The following MBD5 variants were observed in gnomAD, a reference collection of about 807,000 sequenced individuals.
MBD5 encodes methyl-CpG binding domain protein 5.
Under a neutral mutation model 117.3 loss-of-function variants are expected in MBD5, and 13 were observed. That is an observed-to-expected ratio of 0.11 (90% confidence interval 0.07 to 0.18). The LOEUF (loss-of-function observed/expected upper bound fraction) is 0.18, where lower values mean the gene tolerates loss of function less well. Ranked by LOEUF, MBD5 falls within the 10% of genes least tolerant of loss-of-function variation. The pLI is 1.00. For synonymous variants in MBD5, 727 were observed against 766.4 expected (o/e 0.95, Z 0.85); for missense variants, 1,879 against 2,093.8 (o/e 0.90, Z 2.00).
chr2:148,064,077 A>G lies in MBD5; in HGVS notation c.-925+42393A>G, dbSNP rs73964197. On this transcript the variant is annotated intron_variant, in intron 1 of 13. Transcript: ENST00000642680. ...AGTCTTTATGCTCTTGCTCTTTCAT[A>G]TATAGGGTGAATCTAAAGGAAACAT... Among the ~76,000 whole-genome samples the G allele has an allele frequency of 6.9e-4, 103 of 149,858 alleles. 1 individual carries two copies. Among genetic ancestry groups the G allele is most frequent in the African/African-American group, 2.5e-3 (100 of 40,766 alleles).
chr2:148,363,009 G>A (rs1703586226), intron 4 of MBD5, among the ~76,000 whole-genome samples: 1 of 152,194 alleles, frequency 6.6e-6, no homozygotes, highest in African/African-American at 2.4e-5. Context: ...ACCAAAGGTA[G>A]ATAAATCAAT....
rs576315554 is a variant in MBD5 at position 148,058,795 on chromosome 2, A to G, written c.-925+37111A>G. On this transcript the variant is annotated intron_variant, in intron 1 of 13. Coordinates refer to ENST00000642680, the MANE Select transcript of MBD5 (RefSeq NM_001378120.1). ...TTTGCTTCAAAAATGTCTGTTAAGC[A>G]AAAAGTATGCTTGAATTACTAATTT... is the stretch of plus-strand genomic sequence containing the variant. 2.6e-5 allele frequency among the ~76,000 whole-genome samples: 4 copies of G among 152,282 alleles called. No individual in the cohort carries two copies. In the East Asian group the frequency reaches 7.7e-4, roughly 29 times the overall value.
chr2:148,332,510 C>T (rs1362439628), intron 3 of MBD5, among the ~76,000 whole-genome samples: 1 of 152,094 alleles, frequency 6.6e-6, no homozygotes, highest in South Asian at 2.1e-4. Flanking sequence ...TTGAGTTGGT[C>T]TTGCCTGTCT....
intron 1 of MBD5, among the ~76,000 whole-genome samples, chr2:148,052,024 C>CT (rs1558904151): frequency 1.3e-4 from 19 of 151,708 alleles, no homozygotes; most frequent in Non-Finnish European, 2.4e-4. Flanking sequence ...TGTTATCATT[C>CT]CTAATTTTAC....
chr2:148,033,301 A>G (rs72855272), intron 1 of MBD5, among the ~76,000 whole-genome samples: 292 of 152,342 alleles, frequency 1.9e-3, no homozygotes, highest in Non-Finnish European at 3.3e-3. Flanking sequence ...GAGTGATTTC[A>G]TACAGTTAGA....
intron 4 of MBD5, among the ~76,000 whole-genome samples, chr2:148,454,943 G>A (rs1263592263): frequency 6.6e-6 from 1 of 152,094 alleles, no homozygotes; most frequent in Non-Finnish European, 1.5e-5. Context: ...ATTGCTTAGG[G>A]TAGCATTGTC....
At chr2:148,350,363 T>C (rs1427070616) in intron 4 of MBD5, among the ~76,000 whole-genome samples, 1 of 152,048 alleles carries the variant, frequency 6.6e-6, no homozygotes, top group Non-Finnish European at 1.5e-5. Flanking sequence ...GTCAATGTGT[T>C]CTGAGTGCTG....
chr2:148,439,737 CT>C (rs761911302), intron 4 of MBD5, among the ~76,000 whole-genome samples: 2,836 of 130,638 alleles, frequency 0.022, 88 homozygotes, highest in African/African-American at 0.071. Context: ...CATTCTCTCT[CT>C]TTTTTTTTTT....
intron 3 of MBD5, among the ~76,000 whole-genome samples, chr2:148,267,364 A>G (rs961207): frequency 0.6 from 91,422 of 151,956 alleles, 27,704 homozygotes; most frequent in East Asian, 0.71. Context: ...ACAATTTAGC[A>G]TCAGCCCAAA....
Position 148,440,788 on chromosome 2 carries a change from C to T in MBD5, c.-556-17415C>T, listed in dbSNP as rs139830521. On this transcript the variant is annotated intron_variant, in intron 4 of 13. Transcript: ENST00000642680. Reference sequence around the variant, plus strand: ...ACATGTAGGATGAAAGAGGAATAAACAGGTAACTCTAGGCAGGATAACAAA... The same window carrying T: ...ACATGTAGGATGAAAGAGGAATAAATAGGTAACTCTAGGCAGGATAACAAA... Among the ~76,000 whole-genome samples the T allele has an allele frequency of 1.3e-3, 201 of 152,318 alleles. 3 individuals are homozygous for T. The East Asian group carries it at 0.035, about 27-fold the overall frequency.
chr2:148,349,143 T>G (rs1217797461), intron 4 of MBD5, among the ~76,000 whole-genome samples: 2 of 151,866 alleles, frequency 1.3e-5, no homozygotes, highest in Non-Finnish European at 2.9e-5. Flanking sequence ...AAAAAAAAGG[T>G]CTCAGTAGTT....
chr2:148,470,263 C>A lies in MBD5; in HGVS notation c.2320C>A (p.Pro774Thr). ...ANTNFVHSNS[P>T]VPNHHLAGLI... ...CACTAACTTTGTTCACAGTAACAGT[C>A]CAGTCCCCAACCACCATCTTGCAGG... The change falls in exon 8 of 14, where the codon CCA becomes ACA. Residue 774 changes from proline (P) to threonine (T), a missense_variant. Around this residue, in one of 4 missense-constraint regions of MBD5, gnomAD observed 1,666 missense variants for 1,792.2 expected, o/e 0.93. Coordinates refer to ENST00000642680, the MANE Select transcript of MBD5 (RefSeq NM_001378120.1). 1 of 1,613,976 alleles carries A rather than the reference C, an allele frequency of 6.2e-7. No individual in the cohort carries two copies. Among genetic ancestry groups the A allele is most frequent in the Non-Finnish European group, 8.5e-7 (1 of 1,179,904 alleles).
chr2:148,185,331 A>T (rs1051588270), intron 2 of MBD5, among the ~76,000 whole-genome samples: 4 of 151,782 alleles, frequency 2.6e-5, no homozygotes, highest in Non-Finnish European at 1.5e-5. Flanking sequence ...TATATTTCCT[A>T]TAGGAGTTGG....
chr2:148,483,748 C>A lies in MBD5; in HGVS notation c.3157C>A (p.Pro1053Thr). ...CCGAGCTGAGACCCTTTTAACCAGC[C>A]CCCTGGGGAACCCTTTACCAAGCTT... ...NSRAETLLTSPLGNPLPSFAG... is the reference protein window; with the variant it reads ...NSRAETLLTSTLGNPLPSFAG... The change falls in exon 9 of 14, where the codon CCC becomes ACC. Residue 1053 changes from proline to threonine, a missense_variant. Physicochemically the swap from Pro to Thr is conservative, Grantham distance 38. Around this residue, in one of 4 missense-constraint regions of MBD5, gnomAD observed 1,666 missense variants for 1,792.2 expected, o/e 0.93. Coordinates refer to ENST00000642680, the MANE Select transcript of MBD5 (RefSeq NM_001378120.1). 6.4e-7 allele frequency: 1 copy of A among 1,550,564 alleles called. No homozygotes were observed. Among genetic ancestry groups the A allele is most frequent in the Non-Finnish European group, 8.7e-7 (1 of 1,146,962 alleles).
chr2:148,379,223 G>A (rs1311612021), intron 4 of MBD5, among the ~76,000 whole-genome samples: 1 of 151,912 alleles, frequency 6.6e-6, no homozygotes, highest in Non-Finnish European at 1.5e-5. Context: ...GTAAAACACA[G>A]GTCATCAAAT....
intron 2 of MBD5, among the ~76,000 whole-genome samples, chr2:148,211,906 A>G (rs1340512049): frequency 6.6e-6 from 1 of 151,954 alleles, no homozygotes; most frequent in African/African-American, 2.4e-5. Context: ...CACCATGCCC[A>G]GCTAATTTTT....
At chr2:148,173,267 C>T (rs1054251555) in intron 1 of MBD5, among the ~76,000 whole-genome samples, 1 of 152,282 alleles carries the variant, frequency 6.6e-6, no homozygotes, top group East Asian at 1.9e-4. Flanking sequence ...CAAGCTTCCA[C>T]GAGCCACTGT....
chr2:148,341,068 C>A (rs1242216904), intron 3 of MBD5, among the ~76,000 whole-genome samples: 1 of 152,022 alleles, frequency 6.6e-6, no homozygotes, highest in Non-Finnish European at 1.5e-5. Flanking sequence ...TGAGACCCCA[C>A]TTGAAAGTAA....
chr2:148,345,398 T>C (rs58078616), intron 4 of MBD5, among the ~76,000 whole-genome samples: 9,871 of 94,968 alleles, frequency 0.1, 1,951 homozygotes, highest in African/African-American at 0.28. Context: ...TACATATACA[T>C]ATATACACAT....
Sources: allele counts gnomAD v4.1 joint callset (sites outside exome capture counted in the v4.1 genomes callset), GRCh38; gene constraint gnomAD v4.1.1; regional missense constraint gnomAD v4.1.1; transcripts MANE v1.5; gene names NCBI Gene and HGNC (gene_info 2026-07-23, HGNC 2026-07-21).